Variants in CEP162 observed in about 807,000 individuals in gnomAD.
The protein encoded by CEP162 is centrosomal protein of 162 kDa.
CEP162 carries 141 observed loss-of-function variants against 169.2 expected under a neutral mutation model. The ratio of observed to expected loss-of-function variants is 0.83; its 90% CI spans 0.73 to 0.96. The LOEUF (loss-of-function observed/expected upper bound fraction) is 0.96. CEP162 is among the 40% of genes least tolerant of loss of function. CEP162 has a pLI of 0.00. For synonymous variants in CEP162, 540 were observed against 526.4 expected, an observed-to-expected ratio of 1.03 and a Z score of -0.35; for missense variants, 1,600 against 1,587.2, an observed-to-expected ratio of 1.01 and a Z score of -0.14.
chr6:84,217,625 G>A (rs945968598), intron 3 of CEP162, among the ~76,000 whole-genome samples: 2 of 152,184 alleles, frequency 1.3e-5, no homozygotes, highest in Non-Finnish European at 2.9e-5. Flanking sequence ...AAGGTCATTA[G>A]CTTTTATAAC....
chr6:84,197,031 C>T (rs7749975), intron 9 of CEP162, among the ~76,000 whole-genome samples: 3,744 of 152,172 alleles, frequency 0.025, 135 homozygotes, highest in African/African-American at 0.084. Context: ...GAAAAGCACA[C>T]GGTGTCTTTT....
chr6:84,201,405 T>C (rs1403282570), intron 8 of CEP162, among the ~76,000 whole-genome samples: 1 of 151,258 alleles, frequency 6.6e-6, no homozygotes, highest in Non-Finnish European at 1.5e-5. Flanking sequence ...GTTTTATCTA[T>C]GTGTGTGTGT....
chr6:84,162,009 G>A (rs767776505), intron 19 of CEP162, 100 bp from the exon 20 acceptor site: 1 of 716,962 alleles, frequency 1.4e-6, no homozygotes, highest in Non-Finnish European at 2.2e-6. Context: ...CCCATCTAAT[G>A]ACAGCATTAT....
chr6:84,195,242 C>G (rs1418159355), intron 9 of CEP162, among the ~76,000 whole-genome samples, 167 bp from the exon 10 acceptor site: 1 of 152,200 alleles, frequency 6.6e-6, no homozygotes. Context: ...GCAGGCTCAA[C>G]AACTCTTTTA....
intron 25 of CEP162, among the ~76,000 whole-genome samples, chr6:84,142,483 T>G (rs953827830): frequency 6.6e-6 from 1 of 152,182 alleles, no homozygotes; most frequent in African/African-American, 2.4e-5. Flanking sequence ...AAAAGAGCAC[T>G]ATTTAATTGG....
intron 25 of CEP162, among the ~76,000 whole-genome samples, chr6:84,131,348 G>A (rs2099511339): frequency 2.0e-5 from 3 of 152,200 alleles, no homozygotes; most frequent in Admixed American, 2.0e-4. Context: ...GAGTTCTGTA[G>A]ATGTTTATTA....
At chr6:84,179,810 G>C (rs2099533988) in intron 13 of CEP162, among the ~76,000 whole-genome samples, 1 of 152,036 alleles carries the variant, frequency 6.6e-6, no homozygotes, top group Non-Finnish European at 1.5e-5. Flanking sequence ...TTGAATCCCT[G>C]AATAGACCAC....
chr6:84,188,370 G>C (rs1449619364), intron 11 of CEP162, among the ~76,000 whole-genome samples: 2 of 151,848 alleles, frequency 1.3e-5, no homozygotes, highest in Admixed American at 6.6e-5. Flanking sequence ...GTAGTTTTTC[G>C]ATCTTCACCC....
In CEP162 at chr6:84,126,409, C is replaced by T. The variant is rs1208924466; in HGVS notation, c.3974G>A (p.Arg1325Lys). 3.7e-6 allele frequency: 6 copies of T among 1,603,192 alleles called. No individual in the cohort carries two copies. The highest frequency in any genetic ancestry group is 1.3e-5 in the African/African-American group (1 of 74,748). The change falls in exon 26 of 27, where the codon AGA becomes AAA. Residue 1325 changes from arginine to lysine, a missense_variant. Coordinates refer to ENST00000403245, the MANE Select transcript of CEP162 (RefSeq NM_014895.4). ...LEKKIKQMEM[R>K]HAQREQELQQ... ...AAGTTCCTGTTCTCTTTGTGCATGT[C>T]TCATTTCCATCTGCTTAATTTTCTT...
chr6:84,185,209 G>C lies in CEP162; in HGVS notation c.1641C>G (p.Thr547=), dbSNP rs1324475240. 3 of 1,611,498 alleles carry C rather than the reference G, an allele frequency of 1.9e-6. No individual in the cohort carries two copies. The African/African-American group carries it at 4.0e-5, about 22-fold the overall frequency. ...TACCTTTTTTCCTAGGTTGATTGGA[G>C]GTAGAAATCGATCTCAAGTTTTTGC... ...IKSKNLRSIS[T]SNQPRKKEIL... is the part of the protein sequence containing the mutation. The change falls in exon 13 of 27, where the codon ACC becomes ACG. Residue 547 remains threonine, a synonymous_variant. Transcript: ENST00000403245.
At chr6:84,180,974 T>A (rs2099534564) in intron 13 of CEP162, among the ~76,000 whole-genome samples, 1 of 152,118 alleles carries the variant, frequency 6.6e-6, no homozygotes, top group Non-Finnish European at 1.5e-5. Context: ...ATGACTTTCT[T>A]CACAGAATTG....
In CEP162 at chr6:84,164,356, C is replaced by T. The variant is rs540773977; in HGVS notation, c.2386-1086G>A. On this transcript the variant is annotated intron_variant, in intron 18 of 26. Transcript: ENST00000403245. ...CAGCAATCCCATTACTGGGTATATA[C>T]CCAAAGGATTATAAATCATTCTACT... Among the ~76,000 whole-genome samples the T allele has an allele frequency of 3.1e-3, 479 of 152,256 alleles. 2 individuals are homozygous for T. Among genetic ancestry groups the T allele is most frequent in the Admixed American group, 5.0e-3 (77 of 15,288 alleles).
chr6:84,211,854 ATAT>A (rs1277123513), intron 6 of CEP162, among the ~76,000 whole-genome samples: 1 of 151,926 alleles, frequency 6.6e-6, no homozygotes, highest in East Asian at 1.9e-4. Context: ...AACAGAATAA[ATAT>A]AAGAAAAGCA....
At chr6:84,147,455 T>C (rs148531097) in intron 24 of CEP162, among the ~76,000 whole-genome samples, 132 of 152,218 alleles carry the variant, frequency 8.7e-4, no homozygotes, top group African/African-American at 3.0e-3. Context: ...AACAATATTA[T>C]GTGTATTTCA....
Position 84,201,868 on chromosome 6 carries a change from T to C in CEP162, c.688-101A>G, listed in dbSNP as rs1032030025. On this transcript the variant is annotated intron_variant, in intron 7 of 26. Transcript: ENST00000403245. ...AAAATCTGAAATCCAGGGCTTTTTA[T>C]TCCACATTGAAACGATCAGGAACTG... 1.1e-5 allele frequency: 7 copies of C among 621,330 alleles called. No individual in the cohort carries two copies. In the African/African-American group the frequency reaches 1.3e-4, roughly 12 times the overall value. The allele number at this position is 621,330 out of a possible 1,614,324, so 38.5% of individuals were successfully genotyped here.
In CEP162 at chr6:84,125,273, T is replaced by C; in HGVS notation, c.4009A>G (p.Ile1337Val). ...AQREQELQQI[I>V]QQTHQVVETE... Reference sequence around the variant, plus strand: ...TCTACTACTTGGTGTGTTTGCTGTATTATCTGCAAATACAAAAATTCCACA... The same window carrying C: ...TCTACTACTTGGTGTGTTTGCTGTACTATCTGCAAATACAAAAATTCCACA... The change falls in exon 27 of 27, where the codon ATA (isoleucine) becomes GTA (valine). Residue 1337 changes from isoleucine (I) to valine (V), a missense_variant. Physicochemically the swap from Ile to Val is conservative, Grantham distance 29. Transcript: ENST00000403245. The C allele has an allele frequency of 6.2e-7, 1 of 1,612,294 alleles. No homozygotes were observed. The highest frequency in any genetic ancestry group is 8.5e-7 in the Non-Finnish European group (1 of 1,178,830).
At chr6:84,227,227 G>T (rs1008638675) in intron 1 of CEP162, among the ~76,000 whole-genome samples, 4 of 152,088 alleles carry the variant, frequency 2.6e-5, no homozygotes, top group Non-Finnish European at 5.9e-5. Flanking sequence ...CTGTAGAGAT[G>T]GGGGAGGGGA....
intron 12 of CEP162, 126 bp downstream of exon 12, chr6:84,186,206 T>C: frequency 1.8e-6 from 1 of 559,262 alleles, no homozygotes. Context: ...ATCCAAGATC[T>C]ACTGTGGAGG....
At chr6:84,144,459 T>C (rs1354356427) in intron 25 of CEP162, among the ~76,000 whole-genome samples, 1 of 152,128 alleles carries the variant, frequency 6.6e-6, no homozygotes, top group African/African-American at 2.4e-5. Context: ...TGTTTAACTA[T>C]GGCTAGTTTA....
Sources: gnomAD v4.1 joint callset for allele counts (sites outside exome capture counted in the v4.1 genomes callset) on GRCh38, gnomAD v4.1.1 for gene constraint, MANE v1.5 for transcripts, NCBI Gene and HGNC (gene_info 2026-07-23, HGNC 2026-07-21) for gene names.